The following NUBPL variants were observed in gnomAD, a reference collection of about 807,000 sequenced individuals.
The protein encoded by NUBPL is iron-sulfur cluster transfer protein NUBPL.
Under a neutral mutation model 45.7 loss-of-function variants are expected in NUBPL, and 31 were observed. The ratio of observed to expected loss-of-function variants is 0.68; its 90% CI spans 0.51 to 0.92. The LOEUF (loss-of-function observed/expected upper bound fraction) is 0.92. NUBPL is among the 40% of genes least tolerant of loss of function. The pLI is 0.00. For missense variants in NUBPL, 401 were observed against 398.7 expected (o/e 1.01, Z -0.05); for synonymous variants, 144 against 140.9 (o/e 1.02, Z -0.15).
chr14:31,589,711 G>C (rs1485910565), intron 3 of NUBPL, among the ~76,000 whole-genome samples: 1 of 151,986 alleles, frequency 6.6e-6, no homozygotes, highest in African/African-American at 2.4e-5. Context: ...CTTCAGATAG[G>C]TAAAAATCAC....
intron 4 of NUBPL, among the ~76,000 whole-genome samples, chr14:31,633,454 T>C (rs1376652126): frequency 6.6e-6 from 1 of 152,220 alleles, no homozygotes; most frequent in Non-Finnish European, 1.5e-5. Flanking sequence ...CAAGTTTATT[T>C]TACTGATGAG....
chr14:31,748,075 A>T (rs1359173024), intron 6 of NUBPL, among the ~76,000 whole-genome samples: 1 of 152,170 alleles, frequency 6.6e-6, no homozygotes, highest in African/African-American at 2.4e-5. Flanking sequence ...ATTCAGGGGC[A>T]TGCTGTTTAA....
At chr14:31,749,080 C>A (rs928809373) in intron 6 of NUBPL, among the ~76,000 whole-genome samples, 2 of 152,120 alleles carry the variant, frequency 1.3e-5, no homozygotes, top group East Asian at 3.9e-4. Flanking sequence ...GAAATCCGTT[C>A]AATCACTCTA....
chr14:31,653,483 T>C (rs1364359870), intron 4 of NUBPL, among the ~76,000 whole-genome samples: 1 of 152,186 alleles, frequency 6.6e-6, no homozygotes, highest in Non-Finnish European at 1.5e-5. Context: ...CTCTCCTACT[T>C]GCAGGTCTGT....
In NUBPL at chr14:31,642,568, A is replaced by G. The variant is rs1479182179; in HGVS notation, c.383-30787A>G. 2.6e-5 allele frequency among the ~76,000 whole-genome samples: 4 copies of G among 152,104 alleles called. No homozygotes were observed. The East Asian group carries it at 5.8e-4, about 22-fold the overall frequency. On this transcript the variant is annotated intron_variant, in intron 4 of 10. Coordinates refer to ENST00000281081, the MANE Select transcript of NUBPL (RefSeq NM_025152.3). ...ATGTCTGTGTTTTTATGCCAGTACT[A>G]TATTGTTTTGGTTACTGTAACTTTG...
At chr14:31,564,418 G>A (rs1290378130) in intron 2 of NUBPL, among the ~76,000 whole-genome samples, 3 of 151,728 alleles carry the variant, frequency 2.0e-5, no homozygotes, top group African/African-American at 4.8e-5. Flanking sequence ...GGCAGGATGC[G>A]GTGGCTCATG....
Position 31,771,854 on chromosome 14 carries a change from G to T in NUBPL, c.514-15926G>T, listed in dbSNP as rs564475348. On this transcript the variant is annotated intron_variant, in intron 6 of 10. Transcript: ENST00000281081. ...GAGGGACCCTAAGGCTCAAAATTAG[G>T]ATGTGACCACAGATGGCAGGTAGGT... 8 of 985,316 alleles carry T rather than the reference G, an allele frequency of 8.1e-6. No homozygotes were observed. The East Asian group carries it at 7.9e-4, about 98-fold the overall frequency. 61.0% of individuals were successfully genotyped at this position (985,316 alleles called of 1,614,324 possible). A position where few individuals can be genotyped will look rare whatever the true frequency, so the allele number is the denominator to read the frequency against.
At chr14:31,825,455 C>T (rs2040081164) in intron 7 of NUBPL, among the ~76,000 whole-genome samples, 1 of 151,784 alleles carries the variant, frequency 6.6e-6, no homozygotes, top group Non-Finnish European at 1.5e-5. Context: ...ACAGCTTCTT[C>T]TTCCTCCTCC....
intron 4 of NUBPL, among the ~76,000 whole-genome samples, chr14:31,626,261 G>T (rs1464326701): frequency 2.6e-5 from 4 of 151,932 alleles, no homozygotes; most frequent in African/African-American, 7.3e-5. Context: ...GGGTTCAAGC[G>T]ATCCCCCTGC....
chr14:31,807,885 T>C (rs1257804601), intron 7 of NUBPL, among the ~76,000 whole-genome samples: 4 of 152,234 alleles, frequency 2.6e-5, no homozygotes, highest in Non-Finnish European at 5.9e-5. Flanking sequence ...AGGGAATCCT[T>C]TCCCCATTTC....
chr14:31,849,853 A>G (rs1020018920), intron 9 of NUBPL, among the ~76,000 whole-genome samples: 6 of 152,234 alleles, frequency 3.9e-5, no homozygotes, highest in African/African-American at 1.2e-4. Flanking sequence ...GACTTCCAGC[A>G]AAGAATAAAT....
rs112413784 is a variant in NUBPL, at chr14:31,813,707, C to A, written c.608-12922C>A. Among the ~76,000 whole-genome samples the A allele has an allele frequency of 1.9e-3, 286 of 152,058 alleles. 5 individuals are homozygous for A. The highest frequency in any genetic ancestry group is 2.9e-3 in the Non-Finnish European group (197 of 68,000). ...CCCTGGCCCCCAACCTCTGACAGAC[C>A]CTGGTGTGTGATATTCCATTCCCTA... On this transcript the variant is annotated intron_variant, in intron 7 of 10. Transcript: ENST00000281081.
chr14:31,727,323 C>T (rs1180088793), intron 6 of NUBPL, among the ~76,000 whole-genome samples: 1 of 152,114 alleles, frequency 6.6e-6, no homozygotes, highest in African/African-American at 2.4e-5. Context: ...TGAAGGCTTA[C>T]CATATTTCTC....
At chr14:31,660,311 G>A (rs2036238588) in intron 4 of NUBPL, among the ~76,000 whole-genome samples, 1 of 152,038 alleles carries the variant, frequency 6.6e-6, no homozygotes, top group Non-Finnish European at 1.5e-5. Flanking sequence ...GTATTTTCTG[G>A]TGGAACCACT....
intron 8 of NUBPL, chr14:31,844,963 A>T (rs2040429677): frequency 6.6e-6 from 1 of 152,214 alleles, no homozygotes; most frequent in South Asian, 2.1e-4. Flanking sequence ...TTGAATAATA[A>T]CATTTCTTAA....
chr14:31,830,655 G>T (rs141495911), intron 8 of NUBPL, among the ~76,000 whole-genome samples: 65 of 152,284 alleles, frequency 4.3e-4, no homozygotes, highest in African/African-American at 1.5e-3. Flanking sequence ...TTATTCCACT[G>T]CAGGTTTACC....
intron 4 of NUBPL, among the ~76,000 whole-genome samples, chr14:31,667,355 T>A (rs2139791705): frequency 6.6e-6 from 1 of 152,058 alleles, no homozygotes; most frequent in Non-Finnish European, 1.5e-5. Context: ...TATTGATACT[T>A]GTGTATGCTT....
At chr14:31,815,883 GC>G (rs1273994796) in intron 7 of NUBPL, among the ~76,000 whole-genome samples, 13 of 152,284 alleles carry the variant, frequency 8.5e-5, no homozygotes, top group African/African-American at 3.1e-4. Flanking sequence ...CAGGGATGAA[GC>G]CGACTTGATA....
chr14:31,718,101 T>C (rs1321579932), intron 6 of NUBPL, among the ~76,000 whole-genome samples: 2 of 152,188 alleles, frequency 1.3e-5, no homozygotes, highest in Non-Finnish European at 2.9e-5. Context: ...AAATATATTC[T>C]CTTTTTTTAT....
Sources: allele counts gnomAD v4.1 joint callset (sites outside exome capture counted in the v4.1 genomes callset), GRCh38; gene constraint gnomAD v4.1.1; transcripts MANE v1.5; gene names NCBI Gene and HGNC (gene_info 2026-07-23, HGNC 2026-07-21).